The following EYS variants were observed in gnomAD, a reference collection of about 807,000 sequenced individuals.
EYS encodes protein eyes shut homolog.
In EYS, 250 loss-of-function variants were observed where a neutral mutation model predicts 282.1. The observed-to-expected ratio is 0.89, with a 90% CI of 0.80 to 0.98. EYS has a LOEUF of 0.98. Ranked by LOEUF, EYS falls within the 50% of genes least tolerant of loss-of-function variation. EYS has a pLI of 0.00. For missense variants in EYS, 4,016 were observed against 3,709.0 expected (o/e 1.08, Z -2.15); for synonymous variants, 1,355 against 1,282.9 (o/e 1.06, Z -1.20).
intron 29 of EYS, among the ~76,000 whole-genome samples, chr6:64,343,492 A>G (rs1561941194): frequency 6.6e-6 from 1 of 152,164 alleles, no homozygotes; most frequent in Non-Finnish European, 1.5e-5. Context: ...AGAAATAAAG[A>G]TGTTCTTTGA....
At chr6:64,296,575 T>C (rs1218944134) in intron 30 of EYS, among the ~76,000 whole-genome samples, 4 of 10,920 alleles carry the variant, frequency 3.7e-4, no homozygotes, top group African/African-American at 8.0e-4. Flanking sequence ...TATATATATA[T>C]ATATATATAC....
intron 2 of EYS, among the ~76,000 whole-genome samples, chr6:65,514,892 T>C (rs1008996840): frequency 1.3e-5 from 2 of 152,182 alleles, no homozygotes; most frequent in African/African-American, 2.4e-5. Flanking sequence ...AAGGACTTCA[T>C]GTCTAAAACA....
intron 22 of EYS, among the ~76,000 whole-genome samples, chr6:64,794,707 G>T (rs1470830406): frequency 7.2e-5 from 11 of 152,168 alleles, no homozygotes; most frequent in African/African-American, 2.6e-4. Context: ...TACATATTCA[G>T]CTTTTAAAAA....
chr6:63,812,493 C>T (rs770170576), intron 36 of EYS, among the ~76,000 whole-genome samples: 8 of 152,124 alleles, frequency 5.3e-5, no homozygotes, highest in Non-Finnish European at 1.2e-4. Context: ...GGCCCAATTC[C>T]ATTATATGTT....
At chr6:63,811,221 G>A (rs67733371) in intron 36 of EYS, among the ~76,000 whole-genome samples, 14,994 of 152,228 alleles carry the variant, frequency 0.098, 800 homozygotes, top group East Asian at 0.16. Context: ...GGGGCTTCTA[G>A]AGAGTTGTCT....
intron 26 of EYS, among the ~76,000 whole-genome samples, chr6:64,538,744 T>C (rs1441668959): frequency 6.6e-6 from 1 of 152,202 alleles, no homozygotes; most frequent in Non-Finnish European, 1.5e-5. Context: ...AAAAAATCTA[T>C]AATGGGTTTT....
intron 22 of EYS, among the ~76,000 whole-genome samples, chr6:64,769,210 T>C (rs1036255750): frequency 1.5e-4 from 23 of 152,118 alleles, no homozygotes; most frequent in Non-Finnish European, 2.6e-4. Flanking sequence ...TTTAGGTTTA[T>C]AGATGTTCTG....
At chr6:64,860,723 T>A (rs1205756929) in intron 19 of EYS, among the ~76,000 whole-genome samples, 1 of 152,206 alleles carries the variant, frequency 6.6e-6, no homozygotes, top group Non-Finnish European at 1.5e-5. Flanking sequence ...TACAGCTCTT[T>A]CAGCTCTGCC....
chr6:65,369,324 A>T (rs1468850743), intron 8 of EYS, among the ~76,000 whole-genome samples: 6 of 139,352 alleles, frequency 4.3e-5, no homozygotes, highest in Non-Finnish European at 9.4e-5. Flanking sequence ...TATTATATAT[A>T]TATATTTATA....
chr6:65,245,895 C>A (rs1047508135), intron 12 of EYS, among the ~76,000 whole-genome samples: 4 of 151,968 alleles, frequency 2.6e-5, no homozygotes, highest in African/African-American at 9.7e-5. Flanking sequence ...ATCTATTTAA[C>A]AATATAATTT....
At chr6:65,366,743 T>C (rs937647782) in intron 8 of EYS, among the ~76,000 whole-genome samples, 2 of 151,676 alleles carry the variant, frequency 1.3e-5, no homozygotes, top group Non-Finnish European at 2.9e-5. Context: ...ATCAGTCTTA[T>C]TAATGTAAAG....
At chr6:65,198,503 T>A (rs542764791) in intron 12 of EYS, among the ~76,000 whole-genome samples, 2 of 152,190 alleles carry the variant, frequency 1.3e-5, no homozygotes, top group East Asian at 3.9e-4. Flanking sequence ...AGCAGGGATT[T>A]TTTTTTACAC....
intron 2 of EYS, among the ~76,000 whole-genome samples, chr6:65,635,520 C>T (rs1482268092): frequency 2.0e-5 from 3 of 152,092 alleles, no homozygotes; most frequent in Non-Finnish European, 4.4e-5. Flanking sequence ...CCCTATATTG[C>T]CCAGGCTTGT....
intron 7 of EYS, among the ~76,000 whole-genome samples, chr6:65,385,167 T>C (rs1337832553): frequency 1.3e-5 from 2 of 151,860 alleles, no homozygotes; most frequent in Non-Finnish European, 2.9e-5. Flanking sequence ...ATAAAATAAA[T>C]GGGACCCCAA....
intron 35 of EYS, among the ~76,000 whole-genome samples, chr6:63,879,384 GT>G (rs1032343170): frequency 6.6e-6 from 1 of 152,128 alleles, no homozygotes; most frequent in Non-Finnish European, 1.5e-5. Context: ...TACAATGCTG[GT>G]TGGTGGAGAG....
intron 36 of EYS, among the ~76,000 whole-genome samples, chr6:63,809,686 G>A (rs577303033): frequency 3.9e-5 from 6 of 152,044 alleles, no homozygotes; most frequent in African/African-American, 1.2e-4. Context: ...ACATCATCTC[G>A]GGGCATTAAA....
intron 35 of EYS, among the ~76,000 whole-genome samples, chr6:63,902,273 A>G (rs1773677234): frequency 6.6e-6 from 1 of 152,158 alleles, no homozygotes; most frequent in Admixed American, 6.5e-5. Context: ...CTGATTGTCA[A>G]TCAGAATTTT....
At chr6:65,131,891 C>T (rs1272384394) in intron 12 of EYS, among the ~76,000 whole-genome samples, 2 of 151,818 alleles carry the variant, frequency 1.3e-5, no homozygotes, top group African/African-American at 4.8e-5. Context: ...GAGTTGTTAC[C>T]ACTGACCCCA....
intron 5 of EYS, among the ~76,000 whole-genome samples, chr6:65,416,772 G>C (rs78497279): frequency 0.031 from 4,678 of 151,988 alleles, 232 homozygotes; most frequent in African/African-American, 0.11. Flanking sequence ...TTTCCTGTAA[G>C]AATGAAGCTA....
Sources: allele counts gnomAD v4.1 joint callset (sites outside exome capture counted in the v4.1 genomes callset), GRCh38; gene constraint gnomAD v4.1.1; transcripts MANE v1.5; gene names NCBI Gene and HGNC (gene_info 2026-07-23, HGNC 2026-07-21).